Variants in RAB11FIP3 observed in about 807,000 individuals in gnomAD.
RAB11FIP3 encodes the protein rab11 family-interacting protein 3.
A neutral mutation model predicts 77.8 loss-of-function variants in RAB11FIP3; 17 were observed. That is an observed-to-expected ratio of 0.22 (90% confidence interval 0.15 to 0.33). The LOEUF (loss-of-function observed/expected upper bound fraction) is 0.33. RAB11FIP3 is among the 10% of genes least tolerant of loss of function. The probability of loss-of-function intolerance (pLI) is 1.00; values close to 1 mark genes in which losing one functional copy is unlikely to be tolerated. For synonymous variants in RAB11FIP3, 437 were observed against 448.2 expected (o/e 0.98, Z 0.31); for missense variants, 1,005 against 1,011.2 (o/e 0.99, Z 0.08).
At chr16:449,646 CAA>C (rs34916740) in intron 1 of RAB11FIP3, among the ~76,000 whole-genome samples, 41 of 121,518 alleles carry the variant, frequency 3.4e-4, no homozygotes, top group Admixed American at 3.4e-4. Flanking sequence ...GACCCTATCT[CAA>C]AAAAAAAAAA....
At chr16:458,621 T>TGGGGGGC (rs2055549079) in intron 1 of RAB11FIP3, among the ~76,000 whole-genome samples, 30 of 48,426 alleles carry the variant, frequency 6.2e-4, no homozygotes, top group Non-Finnish European at 1.1e-3. Flanking sequence ...CCGATGCTCA[T>TGGGGGGC]CTGCCGTAAC....
chr16:496,728 G>A (rs930023197), intron 5 of RAB11FIP3, 96 bp from the exon 6 acceptor site: 52 of 1,279,676 alleles, frequency 4.1e-5, no homozygotes, highest in African/African-American at 6.4e-5. Flanking sequence ...CTGAAAGGCC[G>A]CCCACCTCGT....
At chr16:473,941 T>A (rs2055854591) in intron 3 of RAB11FIP3, among the ~76,000 whole-genome samples, 1 of 152,112 alleles carries the variant, frequency 6.6e-6, no homozygotes, top group Admixed American at 6.5e-5. Context: ...TAGAACCATC[T>A]GGCATGCAGC....
At chr16:470,730 T>C (rs1173368169) in intron 2 of RAB11FIP3, among the ~76,000 whole-genome samples, 2 of 152,206 alleles carry the variant, frequency 1.3e-5, no homozygotes, top group Non-Finnish European at 2.9e-5. Context: ...AATTATAGCC[T>C]GTCTCTCATG....
At chr16:480,757 C>T (rs34869867) in intron 3 of RAB11FIP3, among the ~76,000 whole-genome samples, 55,056 of 142,390 alleles carry the variant, frequency 0.39, 13,612 homozygotes, top group Middle Eastern at 0.53. Context: ...CTTGGCTTCC[C>T]AAAGTGCTGG....
chr16:465,274 G>A (rs2055682606), intron 2 of RAB11FIP3, among the ~76,000 whole-genome samples: 2 of 152,120 alleles, frequency 1.3e-5, no homozygotes, highest in Non-Finnish European at 1.5e-5. Flanking sequence ...CATCGGAGAG[G>A]CCTCAGTGTT....
chr16:497,206 C>T (rs1596280281), intron 6 of RAB11FIP3: 1 of 1,191,484 alleles, frequency 8.4e-7, no homozygotes, highest in Non-Finnish European at 1.1e-6. Context: ...CTTCTCAGAG[C>T]CGGGTCTGGG....
At chr16:459,939 G>A (rs543464265) in intron 1 of RAB11FIP3, among the ~76,000 whole-genome samples, 9 of 147,190 alleles carry the variant, frequency 6.1e-5, no homozygotes, top group Non-Finnish European at 1.2e-4. Context: ...GTGCAATGGC[G>A]CAATCTCTGC....
intron 1 of RAB11FIP3, among the ~76,000 whole-genome samples, chr16:435,647 T>G (rs970601209): frequency 1.3e-5 from 2 of 152,192 alleles, no homozygotes; most frequent in Non-Finnish European, 2.9e-5. Flanking sequence ...ATTTGAGGTA[T>G]TGGCTATATT....
At chr16:436,274 A>G (rs1033268149) in intron 1 of RAB11FIP3, among the ~76,000 whole-genome samples, 7 of 152,036 alleles carry the variant, frequency 4.6e-5, no homozygotes, top group African/African-American at 1.4e-4. Flanking sequence ...GCGCCACCGC[A>G]CTCCAGCCCA....
intron 1 of RAB11FIP3, among the ~76,000 whole-genome samples, chr16:455,496 GA>G (rs1212226539): frequency 6.6e-6 from 1 of 151,682 alleles, no homozygotes; most frequent in Non-Finnish European, 1.5e-5. Flanking sequence ...AAAGAATTGA[GA>G]ACCGCGCACA....
At chr16:431,103 A>G (rs2055027858) in intron 1 of RAB11FIP3, among the ~76,000 whole-genome samples, 1 of 151,708 alleles carries the variant, frequency 6.6e-6, no homozygotes, top group Non-Finnish European at 1.5e-5. Flanking sequence ...TACATATGTG[A>G]GCTGGTGTGT....
chr16:436,507 G>A (rs894835835), intron 1 of RAB11FIP3, among the ~76,000 whole-genome samples: 1 of 151,924 alleles, frequency 6.6e-6, no homozygotes, highest in Non-Finnish European at 1.5e-5. Flanking sequence ...TTTGAGACAG[G>A]GTTTGGCCCT....
chr16:478,085 C>T (rs958874419), intron 3 of RAB11FIP3, among the ~76,000 whole-genome samples: 1 of 152,226 alleles, frequency 6.6e-6, no homozygotes, highest in African/African-American at 2.4e-5. Flanking sequence ...GCGCCAGGCT[C>T]CTGGCAGCTC....
intron 1 of RAB11FIP3, among the ~76,000 whole-genome samples, chr16:447,949 G>A (rs536017668): frequency 6.6e-6 from 1 of 151,586 alleles, no homozygotes; most frequent in South Asian, 2.1e-4. Context: ...GAAAAATAAC[G>A]CTGACAATTT....
intron 4 of RAB11FIP3, among the ~76,000 whole-genome samples, chr16:484,395 AG>A (rs1356009664): frequency 6.6e-6 from 1 of 150,750 alleles, no homozygotes; most frequent in Non-Finnish European, 1.5e-5. Context: ...TCTGTCGCCC[AG>A]GCTGGAGTGC....
At position 520,579 on chromosome 16, in the gene RAB11FIP3, A is replaced by G. The variant is rs763550697; in HGVS notation, c.2137A>G (p.Ser713Gly). The G allele has an allele frequency of 6.2e-7, 1 of 1,613,470 alleles. No individual in the cohort carries two copies. The highest frequency in any genetic ancestry group is 1.1e-5 in the South Asian group (1 of 91,078). The change falls in exon 13 of 14, where the codon AGC (serine) becomes GGC (glycine). Residue 713 changes from serine to glycine, a missense_variant. By Grantham distance (56) the Ser-to-Gly change is moderately conservative (BLOSUM62 0). Around this residue, in one of 4 missense-constraint regions of RAB11FIP3, gnomAD observed 90 missense variants for 129.7 expected, o/e 0.69. Transcript: ENST00000262305. Reference sequence around the variant, plus strand: ...CTCTGAGTCCCTGGCTGCAGAGATCAGCTCCGTCTCCCGAGATGAGGTAAC... The same window carrying G: ...CTCTGAGTCCCTGGCTGCAGAGATCGGCTCCGTCTCCCGAGATGAGGTAAC... ...AFSESLAAEISSVSRDELMEA... is the reference protein window; with the variant it reads ...AFSESLAAEIGSVSRDELMEA...
intron 1 of RAB11FIP3, among the ~76,000 whole-genome samples, chr16:432,859 C>A (rs1444555190): frequency 6.6e-6 from 1 of 151,526 alleles, no homozygotes; most frequent in Non-Finnish European, 1.5e-5. Flanking sequence ...CCGCCTTGGC[C>A]TCCCAAAGTG....
At chr16:512,702 C>G (rs1422409330) in intron 9 of RAB11FIP3, among the ~76,000 whole-genome samples, 4 of 151,878 alleles carry the variant, frequency 2.6e-5, no homozygotes, top group African/African-American at 9.7e-5. Context: ...CACCACTGCA[C>G]CCAGCTATTT....
Sources: allele counts gnomAD v4.1 joint callset (sites outside exome capture counted in the v4.1 genomes callset), GRCh38; gene constraint gnomAD v4.1.1; regional missense constraint gnomAD v4.1.1; transcripts MANE v1.5; gene names NCBI Gene and HGNC (gene_info 2026-07-23, HGNC 2026-07-21).